Variants in PM20D2 observed in about 807,000 individuals in gnomAD.
The protein encoded by PM20D2 is peptidase M20 domain containing 2, also known as xaa-Arg dipeptidase.
In PM20D2, 33 loss-of-function variants were observed where a neutral mutation model predicts 42.9. The ratio of observed to expected loss-of-function variants is 0.77; its 90% CI spans 0.58 to 1.03. The LOEUF (loss-of-function observed/expected upper bound fraction) is 1.03, where lower values mean the gene tolerates loss of function less well. PM20D2 is among the 50% of genes least tolerant of loss of function. PM20D2 has a pLI of 0.00. For synonymous variants in PM20D2, 250 were observed against 228.2 expected (o/e 1.10, Z -0.86); for missense variants, 548 against 557.0 (o/e 0.98, Z 0.16).
rs555363488 is a variant in PM20D2, at chr6:89,164,967, C to T, written c.*2704C>T. ...AGAAAAGAAAAGACACTGTTGCATG[C>T]CCCAGAAAGCTTGTGGTGGGTGGTA... On this transcript the variant is annotated 3_prime_UTR_variant, in exon 7 of 7. Transcript: ENST00000275072. The T allele has an allele frequency of 1.2e-4, 18 of 149,990 alleles. No homozygotes were observed. Among genetic ancestry groups the T allele is most frequent in the Non-Finnish European group, 2.5e-4 (17 of 67,678 alleles). The allele number at this position is 149,990 out of a possible 1,614,324, so 9.3% of individuals were successfully genotyped here.
rs117481160 is a variant in PM20D2 at position 89,160,647 on chromosome 6, C to G, written c.1049-1136C>G. 2.6e-5 allele frequency among the ~76,000 whole-genome samples: 4 copies of G among 152,304 alleles called. No individual in the cohort carries two copies. In the East Asian group the frequency reaches 7.7e-4, roughly 29 times the overall value. ...CAGTCATTTCAAATACTATTTCTTG[C>G]CTCATACAGCCTCATAATTTAGTTT... On this transcript the variant is annotated intron_variant, in intron 5 of 6. Transcript: ENST00000275072.
chr6:89,118,058 C>G, the PM20D2 span: 1 of 373,176 alleles, frequency 2.7e-6, no homozygotes, highest in South Asian at 6.4e-5. Context: ...GGGGGCGCAG[C>G]GCGGCGCCAG....
chr6:89,118,358 G>A, the PM20D2 span, among the ~76,000 whole-genome samples: 2 of 152,214 alleles, frequency 1.3e-5, no homozygotes, highest in Non-Finnish European at 2.9e-5. Flanking sequence ...GCTTTCAACC[G>A]CGCCCCCGCT....
upstream of PM20D2, among the ~76,000 whole-genome samples, chr6:89,142,071 C>A (rs1286138747): frequency 6.6e-6 from 1 of 151,768 alleles, no homozygotes; most frequent in Non-Finnish European, 1.5e-5. Flanking sequence ...ATCCTCCCAC[C>A]TCAGCCTCTT....
the PM20D2 span, among the ~76,000 whole-genome samples, chr6:89,109,659 T>C: frequency 6.6e-6 from 1 of 152,206 alleles, no homozygotes; most frequent in Admixed American, 6.5e-5. Context: ...AACAGGTCTT[T>C]TCAAAAGAGC....
chr6:89,109,860 G>A, the PM20D2 span, among the ~76,000 whole-genome samples: 1 of 152,202 alleles, frequency 6.6e-6, no homozygotes, highest in South Asian at 2.1e-4. Context: ...GGGAGGCCGA[G>A]GTGGGCGGAT....
At chr6:89,117,761 C>T in the PM20D2 span, 7 of 1,481,498 alleles carry the variant, frequency 4.7e-6, no homozygotes, top group African/African-American at 4.4e-5. Flanking sequence ...GGCCGTGCTC[C>T]GCGGCGCGGC....
At chr6:89,155,864 A>G (rs1245344516) in intron 4 of PM20D2, among the ~76,000 whole-genome samples, 1 of 147,762 alleles carries the variant, frequency 6.8e-6, no homozygotes, top group African/African-American at 2.5e-5. Flanking sequence ...GGCGCTTGCC[A>G]CCACACCTGG....
upstream of PM20D2, among the ~76,000 whole-genome samples, chr6:89,143,536 C>G (rs932295798): frequency 2.6e-5 from 4 of 152,112 alleles, no homozygotes; most frequent in African/African-American, 9.7e-5. Flanking sequence ...TCTCACCCCC[C>G]CAAAAAGGTT....
At chr6:89,103,825 T>C in the PM20D2 span, among the ~76,000 whole-genome samples, 1 of 152,150 alleles carries the variant, frequency 6.6e-6, no homozygotes, top group African/African-American at 2.4e-5. Context: ...GCTAGCAAAA[T>C]AAATAACTTG....
At chr6:89,133,542 C>T in the PM20D2 span, among the ~76,000 whole-genome samples, 1 of 151,076 alleles carries the variant, frequency 6.6e-6, no homozygotes, top group Non-Finnish European at 1.5e-5. Context: ...CACCCTCCTG[C>T]CTCCTTTATG....
the PM20D2 span, among the ~76,000 whole-genome samples, chr6:89,118,372 C>G: frequency 6.6e-6 from 1 of 152,230 alleles, no homozygotes; most frequent in Non-Finnish European, 1.5e-5. Context: ...CCCCGCTCAG[C>G]CTCCGCGGCC....
rs200187533 is a variant in PM20D2 at position 89,151,248 on chromosome 6, T to TC, written c.615-1793dup. Among the ~76,000 whole-genome samples the TC allele has an allele frequency of 2.6e-3, 393 of 151,444 alleles. 3 individuals carry two copies. The highest frequency in any genetic ancestry group is 4.3e-3 in the Non-Finnish European group (294 of 67,778). ...TCTTAAAAATTCTTTTTTTTTTTTT[T>TC]CCGAGAGAGTCTCGTTTTGTCACCC... On this transcript the variant is annotated intron_variant, in intron 2 of 6. Transcript: ENST00000275072.
chr6:89,146,271 CGCGCGATCTGGAGCCA>C lies in PM20D2; in HGVS notation c.130_145del (p.Ala44ProfsTer14). ...GGCCGAGCGGCTGGGGGCCCTGAGC[CGCGCGATCTGGAGCCA>C]GCCCGAGCTGGCCTACGAGGAGCAC... On this transcript the variant is annotated frameshift_variant, in exon 1 of 7. Transcript: ENST00000275072. LOFTEE classifies it high-confidence loss of function. 1 of 1,581,194 alleles carries C rather than the reference CGCGCGATCTGGAGCCA, an allele frequency of 6.3e-7. No individual in the cohort carries two copies. Among genetic ancestry groups the C allele is most frequent in the Non-Finnish European group, 8.5e-7 (1 of 1,171,864 alleles).
chr6:89,096,799 C>A, the PM20D2 span: 3 of 152,266 alleles, frequency 2.0e-5, no homozygotes, highest in East Asian at 5.8e-4. Flanking sequence ...TGCCCAGCCC[C>A]TAGTTTTTAA....
the PM20D2 span, among the ~76,000 whole-genome samples, chr6:89,095,584 A>G: frequency 3.1e-3 from 471 of 152,378 alleles, 7 homozygotes; most frequent in African/African-American, 0.011. Flanking sequence ...AAATGCAGCA[A>G]TTCTTATTTG....
chr6:89,096,923 T>A, the PM20D2 span: 5 of 152,252 alleles, frequency 3.3e-5, no homozygotes, highest in Non-Finnish European at 7.3e-5. Flanking sequence ...TAGTGCCACA[T>A]AATTTTATAA....
At chr6:89,130,051 A>T in the PM20D2 span, among the ~76,000 whole-genome samples, 11 of 15,776 alleles carry the variant, frequency 7.0e-4, no homozygotes, top group Non-Finnish European at 1.1e-3. Flanking sequence ...CTTCTAAATT[A>T]AAAAAAAAAA....
At chr6:89,132,956 C>A in the PM20D2 span, among the ~76,000 whole-genome samples, 4 of 150,864 alleles carry the variant, frequency 2.7e-5, no homozygotes, top group South Asian at 2.1e-4. Context: ...GATGCGGCGG[C>A]TCATACCTGT....
Sources: allele counts gnomAD v4.1 joint callset (sites outside exome capture counted in the v4.1 genomes callset), GRCh38; gene constraint gnomAD v4.1.1; transcripts MANE v1.5; gene names NCBI Gene and HGNC (gene_info 2026-07-23, HGNC 2026-07-21).